Variants in REDIC1 observed in about 807,000 individuals in gnomAD.
REDIC1 encodes regulator of DNA class I crossover intermediates 1, also known as HEI10 Interacting Protein 1.
At chr12:39,869,061 C>A in the REDIC1 span, among the ~76,000 whole-genome samples, 2 of 152,010 alleles carry the variant, frequency 1.3e-5, no homozygotes, top group Non-Finnish European at 1.5e-5. Context: ...GAGGCTATAG[C>A]CAATTTAAGA....
At chr12:39,883,707 C>T in the REDIC1 span, among the ~76,000 whole-genome samples, 1,469 of 152,228 alleles carry the variant, frequency 9.7e-3, 18 homozygotes, top group African/African-American at 0.034. Flanking sequence ...TTTGCAAGAA[C>T]TTTCATTCTA....
At chr12:39,820,717 TTATATATATATATATATATATA>T in the REDIC1 span, among the ~76,000 whole-genome samples, 1,135 of 132,540 alleles carry the variant, frequency 8.6e-3, 10 homozygotes, top group Middle Eastern at 0.018. Context: ...ATTTTTAAAT[TTATATATATATATATATATATA>T]TATATATATA....
At chr12:39,877,661 A>G in the REDIC1 span, among the ~76,000 whole-genome samples, 1 of 152,242 alleles carries the variant, frequency 6.6e-6, no homozygotes, top group Non-Finnish European at 1.5e-5. Flanking sequence ...TTGTGGAAAG[A>G]TACACTGAAC....
the REDIC1 span, among the ~76,000 whole-genome samples, chr12:39,763,033 C>T: frequency 2.8e-4 from 43 of 152,062 alleles, no homozygotes; most frequent in South Asian, 8.9e-3. Flanking sequence ...AAAATGCTTT[C>T]TCAGGATGCG....
chr12:39,753,663 T>G, the REDIC1 span, among the ~76,000 whole-genome samples: 1 of 152,158 alleles, frequency 6.6e-6, no homozygotes, highest in African/African-American at 2.4e-5. Flanking sequence ...TATAAGCAAA[T>G]TGCCTGTGCT....
chr12:39,800,653 G>C, the REDIC1 span, among the ~76,000 whole-genome samples: 1 of 29,888 alleles, frequency 3.3e-5, no homozygotes. Context: ...TGGTGGGACT[G>C]TAAACTAGTT....
chr12:39,789,566 A>C, the REDIC1 span, among the ~76,000 whole-genome samples: 3 of 152,180 alleles, frequency 2.0e-5, no homozygotes, highest in African/African-American at 7.2e-5. Flanking sequence ...GGGAAAACAG[A>C]ATAAATAGAA....
the REDIC1 span, among the ~76,000 whole-genome samples, chr12:39,633,563 C>G: frequency 2.0e-5 from 3 of 152,270 alleles, no homozygotes; most frequent in South Asian, 6.2e-4. Context: ...AGTCTTTTAT[C>G]ATCATTATCA....
chr12:39,806,605 C>T, the REDIC1 span, among the ~76,000 whole-genome samples: 1 of 152,146 alleles, frequency 6.6e-6, no homozygotes, highest in African/African-American at 2.4e-5. Flanking sequence ...TTCCACTGTG[C>T]TTGGAATACA....
the REDIC1 span, among the ~76,000 whole-genome samples, chr12:39,822,943 T>C: frequency 6.6e-6 from 1 of 152,242 alleles, no homozygotes; most frequent in South Asian, 2.1e-4. Flanking sequence ...CTCAGAAGTG[T>C]TTTGGTCTTT....
At chr12:39,885,562 C>A in the REDIC1 span, among the ~76,000 whole-genome samples, 23 of 152,218 alleles carry the variant, frequency 1.5e-4, no homozygotes, top group African/African-American at 5.3e-4. Flanking sequence ...TTACAAAAAA[C>A]TTTCTCTGAA....
the REDIC1 span, chr12:39,650,158 A>T: frequency 7.7e-7 from 1 of 1,291,234 alleles, no homozygotes; most frequent in Non-Finnish European, 1.0e-6. The surrounding 1 kb of genome is among the most constrained non-coding windows in gnomAD (Gnocchi z 4.3). Flanking sequence ...GTTCATTTAC[A>T]TGACATTTTA....
At chr12:39,846,033 G>A in the REDIC1 span, among the ~76,000 whole-genome samples, 157 of 152,174 alleles carry the variant, frequency 1.0e-3, no homozygotes, top group African/African-American at 3.7e-3. Context: ...TTTGCTTCTT[G>A]TCTTCAATGA....
chr12:39,684,334 GTAA>G, the REDIC1 span: 3 of 864,338 alleles, frequency 3.5e-6, no homozygotes, highest in Non-Finnish European at 4.2e-6. Flanking sequence ...AACTTTCTTG[GTAA>G]TAATTACAAT....
chr12:39,842,612 A>T, the REDIC1 span, among the ~76,000 whole-genome samples: 4 of 152,022 alleles, frequency 2.6e-5, no homozygotes, highest in African/African-American at 4.8e-5. Context: ...ACATATTTTT[A>T]AAAATTTTTT....
At chr12:39,630,254 T>G in the REDIC1 span, among the ~76,000 whole-genome samples, 1 of 152,238 alleles carries the variant, frequency 6.6e-6, no homozygotes, top group Non-Finnish European at 1.5e-5. Flanking sequence ...CAGACTTTGG[T>G]CTGCAAAATG....
At chr12:39,673,351 A>C in the REDIC1 span, among the ~76,000 whole-genome samples, 1 of 152,136 alleles carries the variant, frequency 6.6e-6, no homozygotes, top group Non-Finnish European at 1.5e-5. Context: ...CTGTTATTTC[A>C]TTTTAGTCAG....
chr12:39,844,311 A>T, the REDIC1 span, among the ~76,000 whole-genome samples: 1 of 152,100 alleles, frequency 6.6e-6, no homozygotes, highest in South Asian at 2.1e-4. Flanking sequence ...GTTTAGGGTC[A>T]TAGTAACAGC....
chr12:39,884,656 G>A, the REDIC1 span, among the ~76,000 whole-genome samples: 1,784 of 152,182 alleles, frequency 0.012, 35 homozygotes, highest in African/African-American at 0.041. Flanking sequence ...GAGGGTGACC[G>A]CCATACATAT....
Sources: allele counts gnomAD v4.1 joint callset (sites outside exome capture counted in the v4.1 genomes callset), GRCh38; gene constraint gnomAD v4.1.1; non-coding constraint Gnocchi (gnomAD v3.1); transcripts MANE v1.5; gene names NCBI Gene and HGNC (gene_info 2026-07-23, HGNC 2026-07-21).